CLPTM1L: variants seen among roughly 807,000 people sequenced by gnomAD.
The protein encoded by CLPTM1L is CLPTM1 like.
CLPTM1L carries 38 observed loss-of-function variants against 70.9 expected under a neutral mutation model. That is an observed-to-expected ratio of 0.54 (90% CI 0.41 to 0.70). The LOEUF is 0.70. Among genes scored for constraint, CLPTM1L ranks in the 30% least tolerant of loss-of-function variants. The pLI is 0.00. For synonymous variants in CLPTM1L, 339 were observed against 299.9 expected (o/e 1.13, Z -1.35); for missense variants, 652 against 705.9 (o/e 0.92, Z 0.87).
chr5:1,317,754 C>G lies in CLPTM1L; in HGVS notation c.*615G>C, dbSNP rs1751917766. The G allele has an allele frequency of 6.6e-6, 1 of 152,214 alleles. No individual in the cohort carries two copies. The highest frequency in any genetic ancestry group is 2.4e-5 in the African/African-American group (1 of 41,436). 9.4% of individuals were successfully genotyped at this position (152,214 alleles called of 1,614,324 possible). ...TCATGACTCAAAGGCTTGCAAAGGG[C>G]TCTTTAAATTTGCTCTTTTAATGCA... On this transcript the variant is annotated 3_prime_UTR_variant, in exon 17 of 17. Transcript: ENST00000320895.
chr5:1,327,899 AT>A (rs1752738162), intron 9 of CLPTM1L, among the ~76,000 whole-genome samples: 1 of 102,840 alleles, frequency 9.7e-6, no homozygotes, highest in Non-Finnish European at 2.0e-5. Context: ...GGGACATTCC[AT>A]CCAGCTCCTC....
chr5:1,341,926 T>C, intron 2 of CLPTM1L, 66 bp from the exon 3 acceptor site: 1 of 1,308,146 alleles, frequency 7.6e-7, no homozygotes. Context: ...CCTATTCAAA[T>C]ACCTTTATAA....
chr5:1,321,877 C>G, intron 13 of CLPTM1L, 58 bp from the exon 14 acceptor site: 1 of 1,506,158 alleles, frequency 6.6e-7, no homozygotes, highest in East Asian at 2.4e-5. Context: ...CACATCTACG[C>G]ACAGACGGCA....
At chr5:1,325,873 A>G (rs1752500980) in intron 9 of CLPTM1L, 57 bp from the exon 10 acceptor site, 1 of 1,475,374 alleles carries the variant, frequency 6.8e-7, no homozygotes, top group East Asian at 2.3e-5. Context: ...GGAGCCACGA[A>G]TGAACGACCC....
intron 5 of CLPTM1L, among the ~76,000 whole-genome samples, chr5:1,336,992 T>C (rs543505655): frequency 5.7e-4 from 86 of 152,038 alleles, no homozygotes; most frequent in African/African-American, 2.0e-3. Flanking sequence ...TGTTTCCTCT[T>C]CAACAAAAAA....
At chr5:1,320,971 C>T (rs770014392) in intron 15 of CLPTM1L, among the ~76,000 whole-genome samples, 17 of 152,244 alleles carry the variant, frequency 1.1e-4, no homozygotes, top group South Asian at 2.1e-4. Flanking sequence ...GCTCCCACAT[C>T]GGGGAACCCA....
At chr5:1,343,757 C>T (rs891300844) in intron 2 of CLPTM1L, among the ~76,000 whole-genome samples, 1 of 152,176 alleles carries the variant, frequency 6.6e-6, no homozygotes, top group African/African-American at 2.4e-5. Context: ...ATTATTCTCT[C>T]CTCAGATACC....
At chr5:1,329,022 G>GACACATTTCAT (rs1288432484) in intron 9 of CLPTM1L, among the ~76,000 whole-genome samples, 3 of 152,290 alleles carry the variant, frequency 2.0e-5, no homozygotes, top group Admixed American at 6.5e-5. Context: ...CTCCTCTACA[G>GACACATTTCAT]GCATGACGGC....
At position 1,337,760 on chromosome 5, in the gene CLPTM1L, G is replaced by A. The variant is rs546853586; in HGVS notation, c.678+144C>T. On this transcript the variant is annotated intron_variant, in intron 5 of 16. Transcript: ENST00000320895. ...CCCCTGTCACAACCCTCGCACACTCGAAGGCAGTGCTTCCCAGCACGGGTA... is the reference window on the plus strand; with the variant it reads ...CCCCTGTCACAACCCTCGCACACTCAAAGGCAGTGCTTCCCAGCACGGGTA... 332 of 715,774 alleles carry A rather than the reference G, an allele frequency of 4.6e-4. 3 individuals carry two copies. Among genetic ancestry groups the A allele is most frequent in the South Asian group, 1.6e-3 (92 of 58,364 alleles). 44.3% of individuals were successfully genotyped at this position (715,774 alleles called of 1,614,324 possible).
At position 1,325,972 on chromosome 5, in the gene CLPTM1L, G is replaced by A. The variant is rs1579625471; in HGVS notation, c.1081-156C>T. The stretch of plus-strand genomic sequence containing the variant: ...CTCCCACAGCTCAGGCCAGAGCGCT[G>A]GAGGCTGGACCTGGGCCTCTAACCC... On this transcript the variant is annotated intron_variant, in intron 9 of 16. Transcript: ENST00000320895. 1.1e-5 allele frequency: 7 copies of A among 637,350 alleles called. No individual in the cohort carries two copies. In the East Asian group the frequency reaches 1.6e-4, roughly 15 times the overall value. 39.5% of individuals were successfully genotyped at this position (637,350 alleles called of 1,614,324 possible).
In CLPTM1L at chr5:1,337,924, T is replaced by C; in HGVS notation, c.658A>G (p.Asn220Asp). Reference sequence around the variant, plus strand: ...CTCACCATCAGGTCCTTCACGCGGTTGCTGAGCTGGTCGATGAACAGGATG... The same window carrying C: ...CTCACCATCAGGTCCTTCACGCGGTCGCTGAGCTGGTCGATGAACAGGATG... ...LPILFIDQLS[N>D]RVKDLMVINR... The change falls in exon 5 of 17, where the codon AAC (asparagine) becomes GAC (aspartate). Residue 220 changes from asparagine (N) to aspartate (D), a missense_variant. Transcript: ENST00000320895. 1.2e-6 allele frequency: 2 copies of C among 1,605,084 alleles called. No homozygotes were observed. The highest frequency in any genetic ancestry group is 1.7e-6 in the Non-Finnish European group (2 of 1,177,118).
chr5:1,331,156 C>T (rs59840241), intron 8 of CLPTM1L: 13,170 of 154,002 alleles, frequency 0.086, 1,435 homozygotes, highest in African/African-American at 0.26. Flanking sequence ...AACCTCCACC[C>T]CTGCAAGGTC....
At chr5:1,322,945 T>TTTG in intron 12 of CLPTM1L, 34 bp from the exon 13 acceptor site, 1 of 1,589,118 alleles carries the variant, frequency 6.3e-7, no homozygotes. Context: ...GTCCTATTTC[T>TTTG]CGCATAGCTT....
At chr5:1,334,211 T>C (rs1220268971) in intron 7 of CLPTM1L, 78 bp downstream of exon 7, 1 of 1,047,870 alleles carries the variant, frequency 9.5e-7, no homozygotes, top group Non-Finnish European at 1.5e-6. Context: ...AAACCCCAGG[T>C]CCAGGACCCC....
chr5:1,327,296 C>T (rs1235351607), intron 9 of CLPTM1L, among the ~76,000 whole-genome samples: 1 of 150,472 alleles, frequency 6.6e-6, no homozygotes, highest in Non-Finnish European at 1.5e-5. Context: ...TTTCATCCAG[C>T]TCCTCCTCTA....
chr5:1,329,105 C>G (rs1168862300), intron 9 of CLPTM1L, among the ~76,000 whole-genome samples: 2 of 152,268 alleles, frequency 1.3e-5, no homozygotes, highest in African/African-American at 4.8e-5. Context: ...CGGTGTGGCA[C>G]AGAGCTCAGT....
chr5:1,328,907 A>G lies in CLPTM1L; in HGVS notation c.1080+1373T>C, dbSNP rs1273123282. On this transcript the variant is annotated intron_variant, in intron 9 of 16. Transcript: ENST00000320895. ...ATTCCATCCAGCTCCTCCTCTACAGACACATTTCATCCAGCTCCTCCTCTA... is the reference window on the plus strand; with the variant it reads ...ATTCCATCCAGCTCCTCCTCTACAGGCACATTTCATCCAGCTCCTCCTCTA... Among the ~76,000 whole-genome samples, 15 of 147,418 alleles carry G rather than the reference A, an allele frequency of 1.0e-4. No individual in the cohort carries two copies. In the South Asian group the frequency reaches 1.3e-3, roughly 13 times the overall value.
chr5:1,324,775 C>G lies in CLPTM1L; in HGVS notation c.1185G>C (p.Glu395Asp). The change falls in exon 11 of 17, where the codon GAG becomes GAC. Residue 395 changes from glutamate (E) to aspartate (D), a missense_variant. This residue lies in a region of CLPTM1L where 240 missense variants were observed against 295.0 expected (regional missense o/e 0.81). Transcript: ENST00000320895. ...ACAAGTGACTTACCTGAGTATCGTA[C>G]TCCTCGGTTTTCCTCTCAGATTCGC... is the stretch of plus-strand genomic sequence containing the variant. ...TYSESERKTEEYDTQAMKYLS... is the reference protein window; with the variant it reads ...TYSESERKTEDYDTQAMKYLS... 1 of 1,614,148 alleles carries G rather than the reference C, an allele frequency of 6.2e-7. No homozygotes were observed. The highest frequency in any genetic ancestry group is 8.5e-7 in the Non-Finnish European group (1 of 1,179,964).
chr5:1,328,679 A>G (rs1300851723), intron 9 of CLPTM1L, among the ~76,000 whole-genome samples: 1 of 149,336 alleles, frequency 6.7e-6, no homozygotes, highest in Non-Finnish European at 1.5e-5. Flanking sequence ...CTACAGACAC[A>G]TTTCATCCAG....
Sources: allele counts gnomAD v4.1 joint callset (sites outside exome capture counted in the v4.1 genomes callset), GRCh38; gene constraint gnomAD v4.1.1; regional missense constraint gnomAD v4.1.1; transcripts MANE v1.5; gene names NCBI Gene and HGNC (gene_info 2026-07-23, HGNC 2026-07-21).